WWC2: variants seen among roughly 807,000 people sequenced by gnomAD.
WWC2 encodes the protein protein WWC2.
A neutral mutation model predicts 138.5 loss-of-function variants in WWC2; 101 were observed. The ratio of observed to expected loss-of-function variants is 0.73; its 90% CI spans 0.62 to 0.86. The LOEUF is 0.86. Ranked by LOEUF, WWC2 falls within the 40% of genes least tolerant of loss-of-function variation. The pLI, the probability that WWC2 is intolerant of heterozygous loss-of-function variation, is 0.00. For missense variants in WWC2, 1,420 were observed against 1,419.4 expected, an observed-to-expected ratio of 1.00 and a Z score of -0.01; for synonymous variants, 558 against 538.4, an observed-to-expected ratio of 1.04 and a Z score of -0.50.
chr4:183,240,021 C>T (rs1358005163), intron 4 of WWC2, among the ~76,000 whole-genome samples, 162 bp from the exon 5 acceptor site: 1 of 152,136 alleles, frequency 6.6e-6, no homozygotes, highest in African/African-American at 2.4e-5. Context: ...ATTAATATGC[C>T]TTCCACAGAA....
intron 1 of WWC2, among the ~76,000 whole-genome samples, chr4:183,106,438 A>G (rs1743364238): frequency 6.6e-6 from 1 of 152,206 alleles, no homozygotes; most frequent in Non-Finnish European, 1.5e-5. Flanking sequence ...GCATAAAATT[A>G]TTCATTTTAA....
At chr4:183,111,767 C>T (rs918232365) in intron 1 of WWC2, among the ~76,000 whole-genome samples, 89 of 151,314 alleles carry the variant, frequency 5.9e-4, no homozygotes, top group African/African-American at 2.1e-3. Flanking sequence ...GATCATGGCT[C>T]GTTGCAGCCT....
chr4:183,264,822 T>C (rs1737440337), intron 11 of WWC2, among the ~76,000 whole-genome samples, 156 bp from the exon 12 acceptor site: 1 of 152,212 alleles, frequency 6.6e-6, no homozygotes, highest in Non-Finnish European at 1.5e-5. Context: ...CATAGTGCCT[T>C]GAGTTGTTTA....
chr4:183,169,313 A>T (rs1445523547), intron 1 of WWC2, among the ~76,000 whole-genome samples: 3 of 152,240 alleles, frequency 2.0e-5, no homozygotes, highest in Non-Finnish European at 4.4e-5. Context: ...AAAGCTGTTA[A>T]GAGTTGAGGA....
intron 1 of WWC2, among the ~76,000 whole-genome samples, chr4:183,180,205 G>A (rs1434060604): frequency 2.0e-5 from 3 of 152,138 alleles, no homozygotes; most frequent in African/African-American, 7.2e-5. Flanking sequence ...TATATCAGGC[G>A]GACTGGCTTC....
intron 4 of WWC2, among the ~76,000 whole-genome samples, chr4:183,231,470 A>G (rs190866320): frequency 5.3e-5 from 8 of 151,620 alleles, no homozygotes; most frequent in Admixed American, 5.3e-4. Context: ...GTGTTTCACC[A>G]TGTTGGCCAG....
At chr4:183,170,408 C>A (rs771412512) in intron 1 of WWC2, among the ~76,000 whole-genome samples, 3 of 152,172 alleles carry the variant, frequency 2.0e-5, no homozygotes, top group African/African-American at 7.2e-5. Flanking sequence ...GACAAACTTT[C>A]CAGCTCTCAA....
intron 4 of WWC2, among the ~76,000 whole-genome samples, chr4:183,220,478 A>C (rs1231500159): frequency 6.6e-6 from 1 of 151,980 alleles, no homozygotes; most frequent in African/African-American, 2.4e-5. Context: ...CAAAAACAAA[A>C]ATCAGGCCAC....
intron 1 of WWC2, among the ~76,000 whole-genome samples, chr4:183,139,016 G>A (rs1479845870): frequency 6.6e-6 from 1 of 152,166 alleles, no homozygotes; most frequent in Non-Finnish European, 1.5e-5. Flanking sequence ...AGAAGATGTG[G>A]GAATTGGAAG....
At chr4:183,313,612 T>C (rs1739337243) in intron 22 of WWC2, among the ~76,000 whole-genome samples, 1 of 151,574 alleles carries the variant, frequency 6.6e-6, no homozygotes, top group African/African-American at 2.4e-5. Flanking sequence ...GGATGGAGAT[T>C]AAAAAATGGG....
At chr4:183,301,773 GAACTATATAAAGCAA>G (rs1472151260) in intron 21 of WWC2, among the ~76,000 whole-genome samples, 1 of 152,180 alleles carries the variant, frequency 6.6e-6, no homozygotes, top group African/African-American at 2.4e-5. Context: ...AGGTGATGCA[GAACTATATAAAGCAA>G]AAACTAGAAG....
At chr4:183,160,076 T>C (rs1365978908) in intron 1 of WWC2, among the ~76,000 whole-genome samples, 1 of 152,220 alleles carries the variant, frequency 6.6e-6, no homozygotes, top group Admixed American at 6.5e-5. Context: ...TTCCACAGTT[T>C]ATTAACTGCG....
intron 1 of WWC2, among the ~76,000 whole-genome samples, chr4:183,167,304 G>C (rs367609512): frequency 6.6e-6 from 1 of 152,222 alleles, no homozygotes; most frequent in African/African-American, 2.4e-5. Context: ...TGGGGATAAT[G>C]ATGACTCAGG....
At chr4:183,251,439 A>G (rs1176159022) in intron 8 of WWC2, among the ~76,000 whole-genome samples, 1 of 152,190 alleles carries the variant, frequency 6.6e-6, no homozygotes, top group Non-Finnish European at 1.5e-5. Context: ...CTTGCTTCCC[A>G]TGGATCAGCT....
intron 21 of WWC2, among the ~76,000 whole-genome samples, chr4:183,298,608 C>A (rs1474732621): frequency 6.6e-6 from 1 of 152,144 alleles, no homozygotes; most frequent in East Asian, 1.9e-4. Context: ...TAAATGAAAA[C>A]AAACCAGCCT....
Position 183,187,280 on chromosome 4 carries a change from G to A in WWC2, c.132-6319G>A, listed in dbSNP as rs370803171. 2.6e-3 allele frequency among the ~76,000 whole-genome samples: 395 copies of A among 152,140 alleles called. 4 individuals carry two copies. The highest frequency in any genetic ancestry group is 8.8e-3 in the African/African-American group (366 of 41,506). ...TAAAAAACGGGAATAGGGGCTGGGC[G>A]CAGTGGCTCACGTCTGTAATCTCAG... On this transcript the variant is annotated intron_variant, in intron 1 of 22. Transcript: ENST00000403733.
chr4:183,173,795 T>G (rs539630351), intron 1 of WWC2, among the ~76,000 whole-genome samples: 1 of 152,268 alleles, frequency 6.6e-6, no homozygotes, highest in East Asian at 1.9e-4. Flanking sequence ...AAATGTTTGT[T>G]GTTTTTAACC....
chr4:183,264,833 C>T, intron 11 of WWC2, 145 bp from the exon 12 acceptor site: 1 of 861,750 alleles, frequency 1.2e-6, no homozygotes. Context: ...GAGTTGTTTA[C>T]AGCTGTAGAT....
chr4:183,137,473 C>T (rs527640380), intron 1 of WWC2, among the ~76,000 whole-genome samples: 11 of 151,618 alleles, frequency 7.3e-5, no homozygotes, highest in Non-Finnish European at 1.5e-4. Context: ...CAAGATATTC[C>T]TAGGTGATAG....
Sources: gnomAD v4.1 joint callset for allele counts (sites outside exome capture counted in the v4.1 genomes callset) on GRCh38, gnomAD v4.1.1 for gene constraint, MANE v1.5 for transcripts, NCBI Gene and HGNC (gene_info 2026-07-23, HGNC 2026-07-21) for gene names.